Variants in C1orf105 observed in about 807,000 individuals in gnomAD.
C1orf105 encodes the protein uncharacterized protein C1orf105.
A neutral mutation model predicts 20.8 loss-of-function variants in C1orf105; 17 were observed. That is an observed-to-expected ratio of 0.82 (90% confidence interval 0.56 to 1.23). The LOEUF is 1.23. C1orf105 is among the 50% of genes most tolerant of loss of function. The pLI, the probability that C1orf105 is intolerant of heterozygous loss-of-function variation, is 0.00. For synonymous variants in C1orf105, 72 were observed against 72.1 expected, an observed-to-expected ratio of 1.00 and a Z score of 0.01; for missense variants, 219 against 213.5, an observed-to-expected ratio of 1.03 and a Z score of -0.16.
chr1:172,432,175 A>C (rs1363868966), intron 1 of C1orf105, among the ~76,000 whole-genome samples: 2 of 152,234 alleles, frequency 1.3e-5, no homozygotes, highest in Non-Finnish European at 2.9e-5. Flanking sequence ...TAGCTGAACA[A>C]AAGTGAGCAG....
At chr1:172,453,083 C>A (rs761105140) in intron 3 of C1orf105, 8 of 1,550,700 alleles carry the variant, frequency 5.2e-6, no homozygotes, top group Non-Finnish European at 7.0e-6. Context: ...TTTAAAGTAG[C>A]CTGTCACAGC....
intron 1 of C1orf105, 55 bp from the exon 2 acceptor site, chr1:172,445,018 G>A: frequency 7.0e-7 from 1 of 1,423,128 alleles, no homozygotes; most frequent in Non-Finnish European, 9.8e-7. Context: ...CCATCGTAAT[G>A]ATAGCAATGT....
rs1253403295 is a variant in C1orf105 at position 172,468,582 on chromosome 1, A to T, written c.540A>T (p.Thr180=). ...SLPRKEPIGK[T]TRQ ...CCAGAAAGGAACCAATAGGCAAGAC[A>T]ACGAGGCAGTGAGCGGTAGGAGCTC... The change falls in exon 7 of 7, where the codon ACA becomes ACT. Residue 180 remains threonine (T), a synonymous_variant. Coordinates refer to ENST00000367727, the MANE Select transcript of C1orf105 (RefSeq NM_139240.4). 3 of 1,613,580 alleles carry T rather than the reference A, an allele frequency of 1.9e-6. No homozygotes were observed. The South Asian group carries it at 3.3e-5, about 18-fold the overall frequency.
rs201871662 is a variant in C1orf105 at position 172,465,339 on chromosome 1, C to G, written c.382C>G (p.Pro128Ala). The change falls in exon 6 of 7, where the codon CCT (proline) becomes GCT (alanine). Residue 128 changes from proline (P) to alanine (A), a missense_variant. Pro to Ala is a conservative substitution (Grantham distance 27). Transcript: ENST00000367727. Reference protein sequence around the residue: ...HQPKFQTTPEPFHDDIPTESI... With the variant: ...HQPKFQTTPEAFHDDIPTESI... ...ACCCAAATTCCAGACTACACCTGAG[C>G]CTTTCCATGATGACATCCCAACAGG... is the stretch of plus-strand genomic sequence containing the variant. 1 of 1,612,938 alleles carries G rather than the reference C, an allele frequency of 6.2e-7. No homozygotes were observed. The highest frequency in any genetic ancestry group is 2.2e-5 in the East Asian group (1 of 44,870).
intron 1 of C1orf105, among the ~76,000 whole-genome samples, chr1:172,438,967 G>A (rs2072129301): frequency 6.6e-6 from 1 of 152,186 alleles, no homozygotes; most frequent in Non-Finnish European, 1.5e-5. Context: ...TTTTAAATTA[G>A]GGTATGCATA....
chr1:172,455,948 A>G (rs1351825826), intron 3 of C1orf105, among the ~76,000 whole-genome samples: 1 of 152,178 alleles, frequency 6.6e-6, no homozygotes, highest in African/African-American at 2.4e-5. Context: ...CCCGTGAAAA[A>G]AAGATTTGCA....
intron 6 of C1orf105, among the ~76,000 whole-genome samples, chr1:172,465,832 G>A (rs1650009306): frequency 6.6e-6 from 1 of 152,290 alleles, no homozygotes; most frequent in South Asian, 2.1e-4. Context: ...ATCTTCACTT[G>A]CTGTTGATAG....
At chr1:172,441,207 A>T (rs536871169) in intron 1 of C1orf105, among the ~76,000 whole-genome samples, 1 of 152,354 alleles carries the variant, frequency 6.6e-6, no homozygotes, top group South Asian at 2.1e-4. Context: ...CCTAAGAACA[A>T]GGTAGAAACT....
chr1:172,426,592 T>C (rs1298767232), intron 1 of C1orf105, among the ~76,000 whole-genome samples: 4 of 152,048 alleles, frequency 2.6e-5, no homozygotes, highest in Admixed American at 1.3e-4. Flanking sequence ...ACTTGAGTGC[T>C]AAGTAGTGAG....
intron 2 of C1orf105, among the ~76,000 whole-genome samples, chr1:172,447,300 G>A (rs1037209206): frequency 6.6e-6 from 1 of 152,174 alleles, no homozygotes; most frequent in African/African-American, 2.4e-5. Flanking sequence ...TGTGCGCAAT[G>A]GAAACACACC....
intron 1 of C1orf105, among the ~76,000 whole-genome samples, chr1:172,439,873 A>G (rs1161439431): frequency 1.3e-5 from 2 of 151,994 alleles, no homozygotes; most frequent in African/African-American, 4.8e-5. Context: ...GCATGCCTCT[A>G]TTGAGGCACA....
chr1:172,421,769 T>C (rs1021214590), intron 1 of C1orf105, among the ~76,000 whole-genome samples: 1 of 152,046 alleles, frequency 6.6e-6, no homozygotes, highest in Admixed American at 6.5e-5. Flanking sequence ...AGAAAGACAA[T>C]CTTGAATTGC....
At chr1:172,437,826 T>C (rs1022859511) in intron 1 of C1orf105, among the ~76,000 whole-genome samples, 2 of 151,872 alleles carry the variant, frequency 1.3e-5, no homozygotes, top group African/African-American at 4.8e-5. Context: ...ACAATAGATA[T>C]TCAATGTAGA....
At chr1:172,429,425 A>C (rs1441658197) in intron 1 of C1orf105, among the ~76,000 whole-genome samples, 1 of 152,258 alleles carries the variant, frequency 6.6e-6, no homozygotes, top group East Asian at 1.9e-4. Flanking sequence ...CCCAAACCAC[A>C]ATTCAGCAAG....
intron 2 of C1orf105, among the ~76,000 whole-genome samples, chr1:172,446,075 G>A (rs1266091546): frequency 6.6e-6 from 1 of 151,890 alleles, no homozygotes; most frequent in East Asian, 1.9e-4. Context: ...TTTGTCTACT[G>A]TACATTAAAA....
At chr1:172,433,866 G>A (rs577416589) in intron 1 of C1orf105, among the ~76,000 whole-genome samples, 7 of 152,222 alleles carry the variant, frequency 4.6e-5, no homozygotes, top group East Asian at 3.9e-4. Context: ...CCCATCTCAC[G>A]TGCAGAGACA....
chr1:172,468,595 G>A lies in C1orf105; in HGVS notation c.*1G>A. The A allele has an allele frequency of 1.9e-6, 3 of 1,612,884 alleles. No homozygotes were observed. The South Asian group carries it at 3.3e-5, about 18-fold the overall frequency. ...AATAGGCAAGACAACGAGGCAGTGA[G>A]CGGTAGGAGCTCATCACCTCCCAGA... On this transcript the variant is annotated 3_prime_UTR_variant, in exon 7 of 7. Coordinates refer to ENST00000367727, the MANE Select transcript of C1orf105 (RefSeq NM_139240.4).
chr1:172,456,910 G>A (rs1288278058), intron 4 of C1orf105, among the ~76,000 whole-genome samples: 1 of 152,200 alleles, frequency 6.6e-6, no homozygotes, highest in African/African-American at 2.4e-5. Context: ...AATTTAGGTA[G>A]CACCTCAAGA....
At chr1:172,446,079 A>G (rs1013673069) in intron 2 of C1orf105, among the ~76,000 whole-genome samples, 2 of 152,174 alleles carry the variant, frequency 1.3e-5, no homozygotes, top group Non-Finnish European at 1.5e-5. Flanking sequence ...TCTACTGTAC[A>G]TTAAAAAAAA....
Sources: gnomAD v4.1 joint callset for allele counts (sites outside exome capture counted in the v4.1 genomes callset) on GRCh38, gnomAD v4.1.1 for gene constraint, MANE v1.5 for transcripts, NCBI Gene and HGNC (gene_info 2026-07-23, HGNC 2026-07-21) for gene names.